Variants in ANO2 observed in about 807,000 individuals in gnomAD.
ANO2 encodes the protein anoctamin-2.
In ANO2, 101 loss-of-function variants were observed where a neutral mutation model predicts 124.2. The ratio of observed to expected loss-of-function variants is 0.81; its 90% CI spans 0.69 to 0.96. The LOEUF (loss-of-function observed/expected upper bound fraction) is 0.96. Among genes scored for constraint, ANO2 ranks in the 40% least tolerant of loss-of-function variants. The pLI is 0.00. For missense variants in ANO2, 1,293 were observed against 1,274.5 expected (o/e 1.01, Z -0.22); for synonymous variants, 486 against 482.5 (o/e 1.01, Z -0.09).
chr12:5,921,691 G>C (rs567984424), intron 2 of ANO2, among the ~76,000 whole-genome samples: 36 of 151,994 alleles, frequency 2.4e-4, no homozygotes, highest in Middle Eastern at 3.4e-3. Context: ...TCCACACACA[G>C]AACCACACGC....
At chr12:5,923,174 GCACACACACATACACACACA>G in intron 1 of ANO2, among the ~76,000 whole-genome samples, 1 of 8,916 alleles carries the variant, frequency 1.1e-4, no homozygotes, top group African/African-American at 2.3e-4. Context: ...ACACACACAC[GCACACACACATACACACACA>G]CGCACGCACA....
At chr12:5,627,817 G>T (rs542648742) in intron 16 of ANO2, among the ~76,000 whole-genome samples, 180 of 152,250 alleles carry the variant, frequency 1.2e-3, no homozygotes, top group Admixed American at 2.3e-3. Flanking sequence ...TAGGGGCCAG[G>T]CACGCTGGCT....
intron 6 of ANO2, 85 bp from the exon 7 acceptor site, chr12:5,827,905 G>T: frequency 1.4e-6 from 2 of 1,468,626 alleles, no homozygotes; most frequent in Non-Finnish European, 9.2e-7. Context: ...GCCTGGCAGG[G>T]GCGGGAGGCG....
At chr12:5,705,273 G>A (rs569737872) in intron 14 of ANO2, among the ~76,000 whole-genome samples, 1 of 152,078 alleles carries the variant, frequency 6.6e-6, no homozygotes, top group East Asian at 1.9e-4. Context: ...ATCTGCTCAC[G>A]GCAAGAGAGG....
In ANO2 at chr12:5,921,079, A is replaced by G; in HGVS notation, c.495T>C (p.Asn165=). ...CAAGCTCCAGTCCAGCCTCCATCAG[A>G]TTGTGCTCAAATTCCTCCCGCTGCT... The part of the protein sequence containing the change: ...RKEQREEFEH[N]LMEAGLELEK... Residue 165 remains asparagine (N), a synonymous_variant, in exon 3 of 25, where the codon AAT becomes AAC. Transcript: ENST00000682330. The G allele has an allele frequency of 1.2e-6, 2 of 1,613,186 alleles. No individual in the cohort carries two copies. The highest frequency in any genetic ancestry group is 1.7e-6 in the Non-Finnish European group (2 of 1,179,394).
intron 10 of ANO2, among the ~76,000 whole-genome samples, chr12:5,785,686 C>A (rs1185787406): frequency 2.0e-5 from 3 of 151,856 alleles, no homozygotes; most frequent in Non-Finnish European, 2.9e-5. Flanking sequence ...CACATACACA[C>A]ACATACAAGC....
Position 5,873,196 on chromosome 12 carries a change from GCTCTCTCTCTCTCTCTCTCTCTCT to G in ANO2, c.535-19079_535-19056del, listed in dbSNP as rs57038931. 4.5e-3 allele frequency among the ~76,000 whole-genome samples: 540 copies of G among 119,032 alleles called. 5 individuals are homozygous for G. Among genetic ancestry groups the G allele is most frequent in the African/African-American group, 8.5e-3 (252 of 29,688 alleles). 78.1% of individuals were successfully genotyped at this position (119,032 alleles called of 152,430 possible). A position where few individuals can be genotyped will look rare whatever the true frequency, so the allele number is the denominator to read the frequency against. Reference sequence around the variant, plus strand: ...AACTTTGTTACTTTTGCCTAAAGCAGCTCTCTCTCTCTCTCTCTCTCTCTCTCTCTCTCTCTCTCTCTCTCTCTC... The same window carrying G: ...AACTTTGTTACTTTTGCCTAAAGCAGCTCTCTCTCTCTCTCTCTCTCTCTC... On this transcript the variant is annotated intron_variant, in intron 3 of 24. Coordinates refer to ENST00000682330, the MANE Select transcript of ANO2 (RefSeq NM_001364791.2).
chr12:5,715,204 TAA>T (rs1565600313), intron 14 of ANO2, among the ~76,000 whole-genome samples: 2 of 152,158 alleles, frequency 1.3e-5, no homozygotes, highest in Non-Finnish European at 2.9e-5. Context: ...TTCCAGAAGT[TAA>T]AGTTACTGAA....
intron 3 of ANO2, among the ~76,000 whole-genome samples, chr12:5,886,313 T>C (rs1938900321): frequency 6.6e-6 from 1 of 152,158 alleles, no homozygotes; most frequent in South Asian, 2.1e-4. Context: ...AGGAAGGAAA[T>C]CCTGCCATTT....
At chr12:5,731,721 A>G (rs2137066094) in intron 14 of ANO2, among the ~76,000 whole-genome samples, 1 of 152,158 alleles carries the variant, frequency 6.6e-6, no homozygotes, top group South Asian at 2.1e-4. Flanking sequence ...CCACAGCACA[A>G]ATTCTGAAGC....
chr12:5,612,703 C>T lies in ANO2; in HGVS notation c.2040G>A (p.Met680Ile), dbSNP rs371158322. 4.6e-5 allele frequency: 74 copies of T among 1,613,802 alleles called. No individual in the cohort carries two copies. The highest frequency in any genetic ancestry group is 8.3e-5 in the Admixed American group (5 of 59,992). Residue 680 changes from methionine to isoleucine, a missense_variant, in exon 19 of 25, where the codon ATG becomes ATA. Physicochemically the swap from Met to Ile is conservative, Grantham distance 10. Coordinates refer to ENST00000682330, the MANE Select transcript of ANO2 (RefSeq NM_001364791.2). ...TGTTCTGGATCAACTGCTTCCCCAA[C>T]ATGATGATGCTGAGCTGAATGCAGA... ...MELCIQLSIIMLGKQLIQNNI... is the reference protein window; with the variant it reads ...MELCIQLSIIILGKQLIQNNI...
At chr12:5,738,433 C>T (rs1242202053) in intron 13 of ANO2, among the ~76,000 whole-genome samples, 5 of 152,212 alleles carry the variant, frequency 3.3e-5, no homozygotes, top group African/African-American at 1.2e-4. Flanking sequence ...GAAAGTGCCT[C>T]CTGGCCCTTC....
At chr12:5,721,081 T>TAAGTAAAGCA (rs1207819769) in intron 14 of ANO2, among the ~76,000 whole-genome samples, 6 of 152,300 alleles carry the variant, frequency 3.9e-5, no homozygotes, top group Non-Finnish European at 8.8e-5. Flanking sequence ...CTGGAGATTG[T>TAAGTAAAGCA]AAGTAAAGCA....
intron 14 of ANO2, among the ~76,000 whole-genome samples, chr12:5,667,587 G>A (rs1947791548): frequency 6.6e-6 from 1 of 152,066 alleles, no homozygotes; most frequent in African/African-American, 2.4e-5. Flanking sequence ...TGGAGGACGT[G>A]CAGGTTTGTT....
intron 21 of ANO2, 150 bp downstream of exon 21, chr12:5,578,216 G>A (rs1372715748): frequency 1.7e-5 from 22 of 1,258,426 alleles, no homozygotes; most frequent in East Asian, 4.8e-5. Context: ...CTCAGAAGGC[G>A]TCCCTGCACT....
chr12:5,791,780 A>G (rs79920090), intron 10 of ANO2, among the ~76,000 whole-genome samples: 7,175 of 152,232 alleles, frequency 0.047, 231 homozygotes, highest in African/African-American at 0.089. Flanking sequence ...CAGAAAATGC[A>G]TACAGTGGAT....
At chr12:5,613,089 C>T in intron 17 of ANO2, 131 bp from the exon 18 acceptor site, 1 of 860,628 alleles carries the variant, frequency 1.2e-6, no homozygotes, top group South Asian at 1.5e-5. Flanking sequence ...AGTGCTAGAT[C>T]ACTCAGGGAT....
chr12:5,783,561 C>T (rs917450794), intron 10 of ANO2, among the ~76,000 whole-genome samples: 9 of 152,208 alleles, frequency 5.9e-5, no homozygotes, highest in Non-Finnish European at 8.8e-5. Flanking sequence ...TCTACATGAG[C>T]ACTTTGTATA....
chr12:5,878,656 A>G (rs1938277886), intron 3 of ANO2, among the ~76,000 whole-genome samples: 2 of 152,256 alleles, frequency 1.3e-5, no homozygotes, highest in Admixed American at 6.5e-5. Flanking sequence ...CAATACCAAT[A>G]AAGCTAGAGA....
Sources: allele counts gnomAD v4.1 joint callset (sites outside exome capture counted in the v4.1 genomes callset), GRCh38; gene constraint gnomAD v4.1.1; transcripts MANE v1.5; gene names NCBI Gene and HGNC (gene_info 2026-07-23, HGNC 2026-07-21).